Variants in DAB1 observed in about 807,000 individuals in gnomAD.
DAB1 encodes DAB adaptor protein 1.
DAB1 carries 15 observed loss-of-function variants against 64.6 expected under a neutral mutation model. The ratio of observed to expected loss-of-function variants is 0.23; its 90% CI spans 0.16 to 0.36. The LOEUF (loss-of-function observed/expected upper bound fraction) is 0.36. Among genes scored for constraint, DAB1 ranks in the 10% least tolerant of loss-of-function variants. The probability of loss-of-function intolerance (pLI) is 1.00; values close to 1 mark genes in which losing one functional copy is unlikely to be tolerated. For synonymous variants in DAB1, 235 were observed against 251.9 expected, an observed-to-expected ratio of 0.93 and a Z score of 0.64; for missense variants, 596 against 706.7, an observed-to-expected ratio of 0.84 and a Z score of 1.78.
At chr1:58,302,362 G>A (rs922161775) in intron 4 of DAB1, among the ~76,000 whole-genome samples, 1 of 152,046 alleles carries the variant, frequency 6.6e-6, no homozygotes, top group African/African-American at 2.4e-5. Flanking sequence ...CCTGGTTCAG[G>A]AACTGGGGCC....
chr1:57,023,954 C>T lies in DAB1; in HGVS notation c.787-315G>A, dbSNP rs543602105. 4.6e-5 allele frequency among the ~76,000 whole-genome samples: 7 copies of T among 152,176 alleles called. No homozygotes were observed. The East Asian group carries it at 1.4e-3, about 29-fold the overall frequency. On this transcript the variant is annotated intron_variant, in intron 10 of 14. Transcript: ENST00000371236. ...GTATCCTAATGATTTAGTTTGAGCC[C>T]CTACTCCCTGGGGGGTGTTTTCAGG...
intron 5 of DAB1, among the ~76,000 whole-genome samples, chr1:58,121,492 C>T (rs1385146140): frequency 6.6e-6 from 1 of 152,168 alleles, no homozygotes; most frequent in Non-Finnish European, 1.5e-5. Context: ...AATATCATTT[C>T]TCCCTGTAGG....
chr1:58,525,097 T>A (rs1646329048), intron 2 of DAB1, among the ~76,000 whole-genome samples: 1 of 152,224 alleles, frequency 6.6e-6, no homozygotes, highest in Non-Finnish European at 1.5e-5. Context: ...GCACCATGTA[T>A]GGTCTGTGTA....
rs141931955 is a variant in DAB1 at position 58,437,501 on chromosome 1, A to G, written n.257+68559T>C. Among the ~76,000 whole-genome samples the G allele has an allele frequency of 9.7e-3, 1,481 of 152,126 alleles. 32 individuals are homozygous for G. The highest frequency in any genetic ancestry group is 0.034 in the African/African-American group (1,414 of 41,498). On this transcript the variant is annotated intron_variant and non_coding_transcript_variant, in intron 3 of 20. Coordinates refer to the DAB1 transcript ENST00000485760. ...ATGCTGCGGAATATAGTGTCCCTTC[A>G]CCATCCCCCACCCTCTGTACCCGGT...
intron 6 of DAB1, among the ~76,000 whole-genome samples, chr1:57,745,543 G>A (rs1648222321): frequency 6.6e-6 from 1 of 152,058 alleles, no homozygotes; most frequent in African/African-American, 2.4e-5. Context: ...AAAACCCTAG[G>A]CAACTGACCT....
chr1:57,795,562 A>C (rs997531524), intron 6 of DAB1, among the ~76,000 whole-genome samples: 1 of 151,092 alleles, frequency 6.6e-6, no homozygotes, highest in African/African-American at 2.4e-5. Context: ...CTTCATTTGT[A>C]GGATTCAGAG....
At chr1:57,314,334 A>G (rs1675000183) in intron 1 of DAB1, among the ~76,000 whole-genome samples, 1 of 152,208 alleles carries the variant, frequency 6.6e-6, no homozygotes, top group African/African-American at 2.4e-5. Context: ...ACTTAGAAAA[A>G]TCAATGTCCC....
At chr1:57,526,164 C>T (rs1374246080) in intron 7 of DAB1, among the ~76,000 whole-genome samples, 1 of 152,148 alleles carries the variant, frequency 6.6e-6, no homozygotes, top group Non-Finnish European at 1.5e-5. Context: ...TCTCAAACCC[C>T]TGACCCTGTG....
At chr1:57,308,311 G>A (rs1238387867) in intron 1 of DAB1, among the ~76,000 whole-genome samples, 3 of 152,056 alleles carry the variant, frequency 2.0e-5, no homozygotes, top group Non-Finnish European at 2.9e-5. Context: ...ACCAGTTAAC[G>A]TCCATGCAAG....
At chr1:58,075,338 G>A (rs1649573071) in intron 5 of DAB1, among the ~76,000 whole-genome samples, 1 of 152,214 alleles carries the variant, frequency 6.6e-6, no homozygotes, top group South Asian at 2.1e-4. Context: ...AAAGATAAGT[G>A]TGGTCATGTG....
chr1:57,886,451 C>T (rs939861148), upstream of DAB1, among the ~76,000 whole-genome samples: 7 of 152,182 alleles, frequency 4.6e-5, no homozygotes, highest in Admixed American at 6.5e-5. Flanking sequence ...CCACTGCACC[C>T]GGCATATTCT....
At chr1:58,109,071 TA>T (rs1417439651) in intron 5 of DAB1, among the ~76,000 whole-genome samples, 1 of 152,192 alleles carries the variant, frequency 6.6e-6, no homozygotes, top group Admixed American at 6.5e-5. Context: ...TAAATGTTAT[TA>T]AAAAACAAGG....
intron 4 of DAB1, among the ~76,000 whole-genome samples, chr1:58,172,345 G>T (rs934195124): frequency 6.6e-6 from 1 of 152,166 alleles, no homozygotes; most frequent in South Asian, 2.1e-4. Flanking sequence ...TACTGTTTAC[G>T]GGTAGTTGTG....
chr1:58,446,878 T>C lies in DAB1; in HGVS notation n.257+59182A>G, dbSNP rs530496480. 2.4e-4 allele frequency among the ~76,000 whole-genome samples: 36 copies of C among 152,342 alleles called. No individual in the cohort carries two copies. In the South Asian group the frequency reaches 5.2e-3, roughly 22 times the overall value. ...AAACTAATGTGTCACAAAAATAAAT[T>C]ACCATGGTGTGCTGGCTTGTTTCCG... On this transcript the variant is annotated intron_variant and non_coding_transcript_variant, in intron 3 of 20. Coordinates refer to the DAB1 transcript ENST00000485760.
chr1:57,808,006 G>T (rs72664686), intron 6 of DAB1, among the ~76,000 whole-genome samples: 12,120 of 152,120 alleles, frequency 0.08, 714 homozygotes, highest in Admixed American at 0.21. Context: ...GTTCATAAGC[G>T]ATGCTTCTGG....
At chr1:58,489,824 G>C (rs952131358) in intron 3 of DAB1, among the ~76,000 whole-genome samples, 1 of 152,170 alleles carries the variant, frequency 6.6e-6, no homozygotes, top group Non-Finnish European at 1.5e-5. Flanking sequence ...TGATATCCAG[G>C]CAAACAGGGT....
At chr1:57,476,801 G>A (rs756604090) in intron 7 of DAB1, among the ~76,000 whole-genome samples, 1 of 152,130 alleles carries the variant, frequency 6.6e-6, no homozygotes, top group Non-Finnish European at 1.5e-5. Flanking sequence ...GAAAGAGCTG[G>A]GCTCAGCCTG....
intron 3 of DAB1, among the ~76,000 whole-genome samples, chr1:58,344,230 G>A (rs1643969851): frequency 6.6e-6 from 1 of 152,134 alleles, no homozygotes; most frequent in African/African-American, 2.4e-5. Flanking sequence ...TAATGTTATA[G>A]CAAGGGAGCT....
chr1:57,092,432 A>ATAGT (rs1187200864), intron 4 of DAB1, among the ~76,000 whole-genome samples: 1 of 152,022 alleles, frequency 6.6e-6, no homozygotes, highest in Admixed American at 6.6e-5. Flanking sequence ...TGTTCTCATG[A>ATAGT]TAGTGAGTGA....
Sources: allele counts gnomAD v4.1 joint callset (sites outside exome capture counted in the v4.1 genomes callset), GRCh38; gene constraint gnomAD v4.1.1; transcripts MANE v1.5; gene names NCBI Gene and HGNC (gene_info 2026-07-23, HGNC 2026-07-21).